The following CACNA2D3 variants were observed in gnomAD, a reference collection of about 807,000 sequenced individuals.
CACNA2D3 encodes voltage-dependent calcium channel subunit alpha-2/delta-3.
In CACNA2D3, 60 loss-of-function variants were observed where a neutral mutation model predicts 160.6. The observed-to-expected ratio is 0.37, with a 90% CI of 0.30 to 0.46. CACNA2D3 has a LOEUF of 0.46. Among genes scored for constraint, CACNA2D3 ranks in the 20% least tolerant of loss-of-function variants. The probability of loss-of-function intolerance (pLI) is 1.00; values close to 1 mark genes in which losing one functional copy is unlikely to be tolerated. For missense variants in CACNA2D3, 1,205 were observed against 1,365.0 expected, an observed-to-expected ratio of 0.88 and a Z score of 1.85; for synonymous variants, 558 against 492.9, an observed-to-expected ratio of 1.13 and a Z score of -1.75.
chr3:54,166,198 A>G (rs1264654667), intron 2 of CACNA2D3, among the ~76,000 whole-genome samples: 1 of 152,196 alleles, frequency 6.6e-6, no homozygotes, highest in African/African-American at 2.4e-5. Context: ...AGGAAATCCA[A>G]GGTTGGAGAT....
At chr3:54,802,906 G>C (rs1475127817) in intron 13 of CACNA2D3, among the ~76,000 whole-genome samples, 1 of 152,188 alleles carries the variant, frequency 6.6e-6, no homozygotes, top group East Asian at 1.9e-4. Context: ...ATTCACGAAA[G>C]TCCGCTGTTC....
intron 11 of CACNA2D3, 77 bp from the exon 12 acceptor site, chr3:54,752,522 G>A: frequency 1.1e-6 from 1 of 925,042 alleles, no homozygotes; most frequent in Non-Finnish European, 1.8e-6. Context: ...AGCCACATGT[G>A]TGTGAGCCAT....
At chr3:54,485,327 G>T (rs908168801) in intron 4 of CACNA2D3, among the ~76,000 whole-genome samples, 1 of 152,154 alleles carries the variant, frequency 6.6e-6, no homozygotes, top group Non-Finnish European at 1.5e-5. Context: ...AAATTCATAG[G>T]AGAATTTTTT....
At chr3:54,126,370 A>G (rs1699591084) in intron 2 of CACNA2D3, among the ~76,000 whole-genome samples, 1 of 152,230 alleles carries the variant, frequency 6.6e-6, no homozygotes, top group Non-Finnish European at 1.5e-5. Context: ...CAGTATTGTT[A>G]CTGACTTCAT....
At chr3:54,666,294 C>A (rs1371374989) in intron 11 of CACNA2D3, among the ~76,000 whole-genome samples, 2 of 152,144 alleles carry the variant, frequency 1.3e-5, no homozygotes, top group Non-Finnish European at 2.9e-5. Context: ...TAGTCATATT[C>A]TAACAGCTTA....
chr3:54,475,458 C>T (rs138135016), intron 4 of CACNA2D3, among the ~76,000 whole-genome samples: 1 of 152,154 alleles, frequency 6.6e-6, no homozygotes, highest in East Asian at 1.9e-4. Flanking sequence ...GCTTTTGGTA[C>T]TGAATTCCAT....
chr3:54,304,847 A>C (rs934379755), intron 2 of CACNA2D3, among the ~76,000 whole-genome samples: 1 of 152,196 alleles, frequency 6.6e-6, no homozygotes, highest in Non-Finnish European at 1.5e-5. Flanking sequence ...AAAGTCATCC[A>C]AAATTCTGCC....
chr3:54,736,011 ATATATACACATACATATATATATG>A (rs1559563448), intron 11 of CACNA2D3, among the ~76,000 whole-genome samples: 1 of 85,772 alleles, frequency 1.2e-5, no homozygotes, highest in East Asian at 2.4e-4. Context: ...ATATATGTAT[ATATATACACATACATATATATATG>A]TATATATATA....
At chr3:54,149,982 C>T (rs76201933) in intron 2 of CACNA2D3, among the ~76,000 whole-genome samples, 16,469 of 129,960 alleles carry the variant, frequency 0.13, 1,658 homozygotes, top group Non-Finnish European at 0.19. Flanking sequence ...TCCTTCTTCC[C>T]TCCCCTCCCC....
intron 3 of CACNA2D3, among the ~76,000 whole-genome samples, chr3:54,359,606 A>T (rs1480726551): frequency 6.6e-6 from 1 of 152,192 alleles, no homozygotes; most frequent in Non-Finnish European, 1.5e-5. Context: ...GGCGACACTC[A>T]GTGGAAATCA....
chr3:54,601,058 T>C (rs1233384561), intron 9 of CACNA2D3, among the ~76,000 whole-genome samples: 1 of 152,176 alleles, frequency 6.6e-6, no homozygotes, highest in Non-Finnish European at 1.5e-5. Flanking sequence ...ATTTCCATTG[T>C]TAGACACACT....
chr3:54,408,021 G>A (rs574391743), intron 4 of CACNA2D3, among the ~76,000 whole-genome samples: 24 of 152,248 alleles, frequency 1.6e-4, no homozygotes, highest in Admixed American at 3.9e-4. Flanking sequence ...TGTGAATATG[G>A]CCCTGAGCTG....
intron 5 of CACNA2D3, among the ~76,000 whole-genome samples, chr3:54,555,332 A>T (rs1305096111): frequency 3.9e-5 from 6 of 152,184 alleles, no homozygotes; most frequent in Non-Finnish European, 7.3e-5. Context: ...TCAGGATGGA[A>T]CATGTAACTA....
intron 2 of CACNA2D3, among the ~76,000 whole-genome samples, chr3:54,282,479 T>C (rs1358461340): frequency 6.6e-6 from 1 of 152,204 alleles, no homozygotes; most frequent in Non-Finnish European, 1.5e-5. Flanking sequence ...ATTCTGGTGC[T>C]CCAGCACCCT....
At chr3:54,827,395 G>C (rs1174184250) in intron 14 of CACNA2D3, among the ~76,000 whole-genome samples, 1 of 152,230 alleles carries the variant, frequency 6.6e-6, no homozygotes, top group Non-Finnish European at 1.5e-5. Flanking sequence ...AAGGAAGGAT[G>C]GAAAGATAGA....
intron 3 of CACNA2D3, among the ~76,000 whole-genome samples, chr3:54,328,697 T>G (rs1704174525): frequency 6.6e-6 from 1 of 152,200 alleles, no homozygotes; most frequent in Non-Finnish European, 1.5e-5. Flanking sequence ...AGCATGGGCT[T>G]GCCAAAACAG....
rs182536258 is a variant in CACNA2D3, at chr3:54,999,325, C to T, written c.2691-5438C>T. ...AAGAATGAGTAAGGGCTTCCCATGG[C>T]GACGGTCTCTTTGTTAAGAATTTCC... On this transcript the variant is annotated intron_variant, in intron 31 of 37. Transcript: ENST00000474759. Among the ~76,000 whole-genome samples the T allele has an allele frequency of 1.1e-3, 168 of 152,264 alleles. 1 individual carries two copies. Among genetic ancestry groups the T allele is most frequent in the Middle Eastern group, 0.01 (3 of 294 alleles).
chr3:54,513,979 C>T (rs985346660), intron 5 of CACNA2D3, among the ~76,000 whole-genome samples: 3 of 152,162 alleles, frequency 2.0e-5, no homozygotes, highest in African/African-American at 7.2e-5. Context: ...AGCCGTCATG[C>T]CTGTTTATAT....
chr3:54,715,506 A>T (rs569128674), intron 11 of CACNA2D3, among the ~76,000 whole-genome samples: 1 of 152,104 alleles, frequency 6.6e-6, no homozygotes, highest in East Asian at 1.9e-4. Flanking sequence ...CCTCCCCAGA[A>T]TATGGGGGGG....
Sources: gnomAD v4.1 joint callset for allele counts (sites outside exome capture counted in the v4.1 genomes callset) on GRCh38, gnomAD v4.1.1 for gene constraint, MANE v1.5 for transcripts, NCBI Gene and HGNC (gene_info 2026-07-23, HGNC 2026-07-21) for gene names.